The following FCHSD2 variants were observed in gnomAD, a reference collection of about 807,000 sequenced individuals.
FCHSD2 encodes the protein F-BAR and double SH3 domains protein 2.
Under a neutral mutation model 108.1 loss-of-function variants are expected in FCHSD2, and 38 were observed. The observed-to-expected ratio is 0.35, with a 90% CI of 0.27 to 0.46. The LOEUF is 0.46. Among genes scored for constraint, FCHSD2 ranks in the 20% least tolerant of loss-of-function variants. The pLI is 1.00. For missense variants in FCHSD2, 751 were observed against 897.8 expected, an observed-to-expected ratio of 0.84 and a Z score of 2.09; for synonymous variants, 279 against 314.7, an observed-to-expected ratio of 0.89 and a Z score of 1.20.
chr11:73,016,523 C>T (rs918802015), intron 3 of FCHSD2, among the ~76,000 whole-genome samples: 12 of 152,184 alleles, frequency 7.9e-5, no homozygotes, highest in African/African-American at 2.9e-4. Flanking sequence ...AAACAAACCA[C>T]CTCTGGCATG....
chr11:72,979,942 C>A (rs1219904193), intron 8 of FCHSD2, among the ~76,000 whole-genome samples: 2 of 152,078 alleles, frequency 1.3e-5, no homozygotes, highest in African/African-American at 4.8e-5. Flanking sequence ...AATGTAAGAA[C>A]AGAATGTCCA....
chr11:73,040,593 AT>A (rs1858611351), intron 3 of FCHSD2, among the ~76,000 whole-genome samples: 1 of 152,170 alleles, frequency 6.6e-6, no homozygotes, highest in Non-Finnish European at 1.5e-5. Flanking sequence ...CGGTTTTACA[AT>A]TTTTTGTTAC....
chr11:73,096,500 G>A (rs187071463), intron 2 of FCHSD2, among the ~76,000 whole-genome samples: 85 of 152,128 alleles, frequency 5.6e-4, no homozygotes, highest in African/African-American at 1.8e-3. Flanking sequence ...GCAGTGAGCC[G>A]AGATTGTGCT....
At chr11:73,021,810 T>C (rs1858113385) in intron 3 of FCHSD2, among the ~76,000 whole-genome samples, 1 of 152,218 alleles carries the variant, frequency 6.6e-6, no homozygotes, top group South Asian at 2.1e-4. Flanking sequence ...AAAAACTGGC[T>C]GGGCGTGGTG....
rs1376165416 is a variant in FCHSD2 at position 73,073,255 on chromosome 11, A to C, written c.165+10440T>G. Among the ~76,000 whole-genome samples, 4 of 152,238 alleles carry C rather than the reference A, an allele frequency of 2.6e-5. No homozygotes were observed. In the South Asian group the frequency reaches 8.3e-4, roughly 32 times the overall value. On this transcript the variant is annotated intron_variant, in intron 3 of 19. Coordinates refer to ENST00000409418, the MANE Select transcript of FCHSD2 (RefSeq NM_014824.3). ...ATTCTTACATGACTTCTGTTTTCAC[A>C]GATACATTTGTCATTTGTAGAAACA...
chr11:72,881,148 G>C (rs763356078), intron 12 of FCHSD2, among the ~76,000 whole-genome samples: 2 of 152,126 alleles, frequency 1.3e-5, no homozygotes, highest in Non-Finnish European at 2.9e-5. Context: ...CTAATATACG[G>C]AATATACACG....
chr11:72,900,223 C>CAAACA, intron 10 of FCHSD2: 1 of 951,008 alleles, frequency 1.1e-6, no homozygotes, highest in Non-Finnish European at 1.7e-6. Flanking sequence ...CCACACTTCC[C>CAAACA]ATCCCTCCCG....
intron 12 of FCHSD2, among the ~76,000 whole-genome samples, chr11:72,877,077 T>C (rs770363553): frequency 6.6e-6 from 1 of 151,964 alleles, no homozygotes. Context: ...CTGCCTCCAG[T>C]GCAGCCTCAT....
At chr11:72,845,459 AAACAAC>A (rs1476572259) in intron 14 of FCHSD2, among the ~76,000 whole-genome samples, 60 of 30,258 alleles carry the variant, frequency 2.0e-3, no homozygotes, top group African/African-American at 3.3e-3. Context: ...AAAAAAAAAA[AAACAAC>A]AACAAACAAA....
At chr11:72,854,816 A>C (rs1340150678) in intron 13 of FCHSD2, among the ~76,000 whole-genome samples, 1 of 152,242 alleles carries the variant, frequency 6.6e-6, no homozygotes, top group Non-Finnish European at 1.5e-5. Flanking sequence ...TAATGGCCAG[A>C]AAGTTTTACT....
intron 12 of FCHSD2, among the ~76,000 whole-genome samples, chr11:72,879,319 T>G (rs192752692): frequency 6.6e-6 from 1 of 152,110 alleles, no homozygotes; most frequent in African/African-American, 2.4e-5. Context: ...CAAAACTCAA[T>G]AGTCTTTATA....
At chr11:72,889,256 C>T (rs553008216) in intron 11 of FCHSD2, among the ~76,000 whole-genome samples, 5 of 152,278 alleles carry the variant, frequency 3.3e-5, no homozygotes, top group African/African-American at 9.6e-5. Flanking sequence ...CCACCGCGCC[C>T]GGCTATAATT....
intron 2 of FCHSD2, among the ~76,000 whole-genome samples, chr11:73,094,804 G>T (rs972820712): frequency 1.3e-5 from 2 of 152,136 alleles, no homozygotes; most frequent in African/African-American, 4.8e-5. Context: ...GTTTGTAAAG[G>T]TATTATTACA....
At chr11:72,966,827 A>G (rs1856916564) in intron 8 of FCHSD2, among the ~76,000 whole-genome samples, 1 of 152,192 alleles carries the variant, frequency 6.6e-6, no homozygotes, top group African/African-American at 2.4e-5. Flanking sequence ...AAGAAAATAT[A>G]ATAGAGGAAT....
At chr11:72,975,023 G>C (rs1857078682) in intron 8 of FCHSD2, among the ~76,000 whole-genome samples, 1 of 152,108 alleles carries the variant, frequency 6.6e-6, no homozygotes. Flanking sequence ...ATATGAATGA[G>C]GAAGATTTTT....
At chr11:73,130,480 C>A (rs1860971648) in intron 2 of FCHSD2, among the ~76,000 whole-genome samples, 1 of 152,198 alleles carries the variant, frequency 6.6e-6, no homozygotes, top group Admixed American at 6.5e-5. Flanking sequence ...GGAGAGTATC[C>A]TCTATTCATG....
At chr11:72,905,407 CCTTA>C (rs1855607696) in intron 9 of FCHSD2, among the ~76,000 whole-genome samples, 1 of 152,052 alleles carries the variant, frequency 6.6e-6, no homozygotes, top group African/African-American at 2.4e-5. Flanking sequence ...AAGCATTTAT[CCTTA>C]CTTTGTATTA....
chr11:72,956,824 GAA>G (rs57304246), intron 8 of FCHSD2, among the ~76,000 whole-genome samples: 3,309 of 143,508 alleles, frequency 0.023, 117 homozygotes, highest in African/African-American at 0.074. Context: ...TTTCATAGTG[GAA>G]AAAAAAAAAA....
At chr11:72,894,569 T>TA (rs1311255212) in intron 10 of FCHSD2, among the ~76,000 whole-genome samples, 1 of 152,168 alleles carries the variant, frequency 6.6e-6, no homozygotes, top group Non-Finnish European at 1.5e-5. Flanking sequence ...TTATGAAGTA[T>TA]ATTAATATAT....
Sources: gnomAD v4.1 joint callset for allele counts (sites outside exome capture counted in the v4.1 genomes callset) on GRCh38, gnomAD v4.1.1 for gene constraint, MANE v1.5 for transcripts, NCBI Gene and HGNC (gene_info 2026-07-23, HGNC 2026-07-21) for gene names.